The following RPP30 variants were observed in gnomAD, a reference collection of about 807,000 sequenced individuals.
RPP30 encodes the protein ribonuclease P protein subunit p30.
RPP30 carries 36 observed loss-of-function variants against 38.6 expected under a neutral mutation model. The ratio of observed to expected loss-of-function variants is 0.93; its 90% CI spans 0.71 to 1.23. RPP30 has a LOEUF of 1.23. Among genes scored for constraint, RPP30 ranks in the 50% most tolerant of loss-of-function variants. The probability of loss-of-function intolerance (pLI) is 0.00; values close to 1 mark genes in which losing one functional copy is unlikely to be tolerated. For missense variants in RPP30, 321 were observed against 321.7 expected, an observed-to-expected ratio of 1.00 and a Z score of 0.02; for synonymous variants, 126 against 112.7, an observed-to-expected ratio of 1.12 and a Z score of -0.75.
rs771713102 is a variant in RPP30, at chr10:90,896,314, G to A, written c.619G>A (p.Gly207Ser). 6 of 1,613,790 alleles carry A rather than the reference G, an allele frequency of 3.7e-6. No individual in the cohort carries two copies. In the East Asian group the frequency reaches 1.1e-4, roughly 30 times the overall value. ...IRGPYDVANL[G>S]LLFGLSESDA... is the part of the protein sequence containing the mutation. ...TGAAATCTTTAATGCTCCCCCAAGA[G>A]GCTTGCTGTTTGGGCTCTCTGAAAG... The change falls in exon 10 of 11, where the codon GGC (glycine) becomes AGC (serine). Residue 207 changes from glycine (G) to serine (S), a missense_variant and splice_region_variant. Transcript: ENST00000371703.
chr10:90,889,135 A>T (rs1461792123), intron 6 of RPP30, among the ~76,000 whole-genome samples: 1 of 152,160 alleles, frequency 6.6e-6, no homozygotes, highest in East Asian at 1.9e-4. Context: ...TTTGTAACAT[A>T]ATATCCAGTC....
At chr10:90,874,301 T>C (rs566503650) in intron 1 of RPP30, among the ~76,000 whole-genome samples, 1 of 152,294 alleles carries the variant, frequency 6.6e-6, no homozygotes, top group African/African-American at 2.4e-5. Flanking sequence ...CTGTCGATGG[T>C]GTGCAGCTTA....
intron 6 of RPP30, among the ~76,000 whole-genome samples, chr10:90,891,684 A>G (rs531255182): frequency 1.9e-4 from 29 of 152,346 alleles, no homozygotes; most frequent in African/African-American, 6.5e-4. Flanking sequence ...AAGAGCTTTC[A>G]TGTCAGGACA....
At chr10:90,875,962 G>A in intron 3 of RPP30, 62 bp from the exon 4 acceptor site, 1 of 993,150 alleles carries the variant, frequency 1.0e-6, no homozygotes, top group East Asian at 2.4e-5. Context: ...CTTTCCACTG[G>A]TAAAAAGGAA....
intron 10 of RPP30, among the ~76,000 whole-genome samples, chr10:90,897,557 G>A (rs1847154673): frequency 6.6e-6 from 1 of 152,134 alleles, no homozygotes; most frequent in Non-Finnish European, 1.5e-5. Flanking sequence ...CTTGAAATTA[G>A]GGAACAGTTG....
At chr10:90,895,970 A>T in intron 9 of RPP30, 53 bp downstream of exon 9, 1 of 1,393,602 alleles carries the variant, frequency 7.2e-7, no homozygotes, top group Non-Finnish European at 1.0e-6. Context: ...GAAATTTTGA[A>T]TTTGAAGTCG....
chr10:90,894,672 G>A lies in RPP30; in HGVS notation c.433-103G>A, dbSNP rs796612756. On this transcript the variant is annotated intron_variant, in intron 6 of 10. Coordinates refer to ENST00000371703, the MANE Select transcript of RPP30 (RefSeq NM_006413.5). ...TAAAGCTGTACCTTGACATGTAAGGGGTCAGTAGTAGGGAGTGAGGAGGGA... is the reference window on the plus strand; with the variant it reads ...TAAAGCTGTACCTTGACATGTAAGGAGTCAGTAGTAGGGAGTGAGGAGGGA... 1.0e-5 allele frequency: 8 copies of A among 796,618 alleles called. No homozygotes were observed. In the African/African-American group the frequency reaches 1.4e-4, roughly 14 times the overall value. 49.3% of individuals were successfully genotyped at this position (796,618 alleles called of 1,614,324 possible). A position where few individuals can be genotyped will look rare whatever the true frequency, so the allele number is the denominator to read the frequency against.
At chr10:90,905,999 G>A (rs1564571351), downstream of RPP30, 1 of 152,210 alleles carries the variant, frequency 6.6e-6, no homozygotes, top group African/African-American at 2.4e-5. Context: ...TTCAGTTGAA[G>A]TTGTAAAGCT....
rs1847207479 is a variant in RPP30, at chr10:90,901,877, G to A, written c.*1198G>A. The A allele has an allele frequency of 2.8e-6, 2 of 710,340 alleles. No homozygotes were observed. The highest frequency in any genetic ancestry group is 3.4e-6 in the Non-Finnish European group (2 of 582,188). 44.0% of individuals were successfully genotyped at this position (710,340 alleles called of 1,614,324 possible). On this transcript the variant is annotated 3_prime_UTR_variant, in exon 11 of 11. Coordinates refer to ENST00000371703, the MANE Select transcript of RPP30 (RefSeq NM_006413.5). Reference sequence around the variant, plus strand: ...TCTGTCCCCCAGGCTGGAGTGCAGTGGCTCGATCTCTGCTCACTGCAAGCT... The same window carrying A: ...TCTGTCCCCCAGGCTGGAGTGCAGTAGCTCGATCTCTGCTCACTGCAAGCT...
At chr10:90,894,660 T>C in intron 6 of RPP30, 115 bp from the exon 7 acceptor site, 1 of 752,938 alleles carries the variant, frequency 1.3e-6, no homozygotes, top group Non-Finnish European at 2.4e-6. Context: ...AGCTGTACCT[T>C]GACATGTAAG....
At chr10:90,876,260 T>C (rs1470797150) in intron 4 of RPP30, among the ~76,000 whole-genome samples, 162 bp downstream of exon 4, 1 of 152,184 alleles carries the variant, frequency 6.6e-6, no homozygotes, top group Non-Finnish European at 1.5e-5. Context: ...CACAGTGTAA[T>C]ATGTCTGTTC....
At chr10:90,872,481 C>T (rs1008965805) in intron 1 of RPP30, among the ~76,000 whole-genome samples, 2 of 151,920 alleles carry the variant, frequency 1.3e-5, no homozygotes, top group African/African-American at 2.4e-5. Context: ...CGTGGAGGCT[C>T]GGAGAAGGAG....
chr10:90,874,755 A>G (rs1846828469), intron 1 of RPP30, 114 bp from the exon 2 acceptor site: 4 of 567,400 alleles, frequency 7.0e-6, no homozygotes, highest in South Asian at 6.3e-5. Context: ...GTTCACATTC[A>G]TAACCACTCC....
At chr10:90,873,527 G>C (rs1239916712) in intron 1 of RPP30, among the ~76,000 whole-genome samples, 3 of 152,212 alleles carry the variant, frequency 2.0e-5, no homozygotes, top group Non-Finnish European at 4.4e-5. Flanking sequence ...GAAATATACT[G>C]TGTAAATTAA....
intron 5 of RPP30, among the ~76,000 whole-genome samples, chr10:90,883,431 G>A (rs1269070815): frequency 2.6e-5 from 4 of 152,006 alleles, no homozygotes; most frequent in African/African-American, 7.3e-5. Flanking sequence ...TATAGAAAGC[G>A]TTTCATTGTA....
chr10:90,897,116 T>C (rs1300981550), intron 10 of RPP30, among the ~76,000 whole-genome samples: 1 of 152,210 alleles, frequency 6.6e-6, no homozygotes. Flanking sequence ...AGTTTCCTGC[T>C]CATCAGATGT....
At chr10:90,872,402 T>C (rs1457167537) in intron 1 of RPP30, among the ~76,000 whole-genome samples, 1 of 152,170 alleles carries the variant, frequency 6.6e-6, no homozygotes, top group Non-Finnish European at 1.5e-5. Context: ...TAAGTTACTA[T>C]CAGCCCTTCC....
intron 4 of RPP30, among the ~76,000 whole-genome samples, chr10:90,876,609 T>A (rs1846855405): frequency 6.6e-6 from 1 of 152,104 alleles, no homozygotes; most frequent in Non-Finnish European, 1.5e-5. Flanking sequence ...TGTTCCCAGA[T>A]AGGATGGATT....
rs1440850017 is a variant in RPP30, at chr10:90,901,164, C to CT, written c.*485_*486insT. The CT allele has an allele frequency of 2.5e-5, 5 of 201,580 alleles. No individual in the cohort carries two copies. Among genetic ancestry groups the CT allele is most frequent in the African/African-American group, 1.4e-4 (5 of 36,956 alleles). 12.5% of individuals were successfully genotyped at this position (201,580 alleles called of 1,614,324 possible). On this transcript the variant is annotated 3_prime_UTR_variant, in exon 11 of 11. Coordinates refer to ENST00000371703, the MANE Select transcript of RPP30 (RefSeq NM_006413.5). ...TATTTTTTTTTTTTTTTTTTTTTTC[C>CT]CTTGTAGAGACATGGTCTCACTATG...
Sources: gnomAD v4.1 joint callset for allele counts (sites outside exome capture counted in the v4.1 genomes callset) on GRCh38, gnomAD v4.1.1 for gene constraint, MANE v1.5 for transcripts, NCBI Gene and HGNC (gene_info 2026-07-23, HGNC 2026-07-21) for gene names.